NOX4: variants seen among roughly 807,000 people sequenced by gnomAD.
The protein encoded by NOX4 is kidney oxidase-1.
In NOX4, 69 loss-of-function variants were observed where a neutral mutation model predicts 87.6. That is an observed-to-expected ratio of 0.79 (90% CI 0.65 to 0.96). The LOEUF (loss-of-function observed/expected upper bound fraction) is 0.96. Ranked by LOEUF, NOX4 falls within the 40% of genes least tolerant of loss-of-function variation. The pLI, the probability that NOX4 is intolerant of heterozygous loss-of-function variation, is 0.00. For missense variants in NOX4, 680 were observed against 681.5 expected (o/e 1.00, Z 0.02); for synonymous variants, 275 against 238.2 (o/e 1.15, Z -1.42).
chr11:89,394,587 TG>T (rs1941347715), intron 11 of NOX4, among the ~76,000 whole-genome samples: 1 of 152,168 alleles, frequency 6.6e-6, no homozygotes, highest in Non-Finnish European at 1.5e-5. Context: ...TGTGCCACGT[TG>T]GTTTGCTGCA....
At chr11:89,449,830 C>T (rs1215201988) in intron 3 of NOX4, among the ~76,000 whole-genome samples, 5 of 151,674 alleles carry the variant, frequency 3.3e-5, no homozygotes, top group East Asian at 2.0e-4. Context: ...TAGATGTTAA[C>T]GTATCTGCAG....
chr11:89,424,051 TGAGA>T (rs1349791529), intron 7 of NOX4, among the ~76,000 whole-genome samples: 2 of 151,974 alleles, frequency 1.3e-5, no homozygotes, highest in South Asian at 2.1e-4. Context: ...CCAGCCTGGA[TGAGA>T]GAGAAAGACC....
At chr11:89,441,177 G>C (rs1219711995) in intron 5 of NOX4, among the ~76,000 whole-genome samples, 1 of 152,170 alleles carries the variant, frequency 6.6e-6, no homozygotes. Flanking sequence ...TCAGTACGAA[G>C]AAGACTAATT....
intron 4 of NOX4, among the ~76,000 whole-genome samples, chr11:89,446,322 C>T (rs1363643301): frequency 2.0e-5 from 3 of 152,050 alleles, no homozygotes; most frequent in African/African-American, 7.2e-5. Flanking sequence ...TTAAAAACTA[C>T]ACATACTCTT....
At chr11:89,398,870 G>A (rs1941655234) in intron 11 of NOX4, among the ~76,000 whole-genome samples, 1 of 151,760 alleles carries the variant, frequency 6.6e-6, no homozygotes. Context: ...CATGAATGAG[G>A]CACATACAGT....
At chr11:89,510,075 T>G in the NOX4 span, among the ~76,000 whole-genome samples, 1 of 152,012 alleles carries the variant, frequency 6.6e-6, no homozygotes, top group Non-Finnish European at 1.5e-5. Context: ...AAGTTAGATA[T>G]TGGTTGTATT....
the NOX4 span, among the ~76,000 whole-genome samples, chr11:89,552,357 T>C: frequency 6.6e-6 from 1 of 152,210 alleles, no homozygotes. Flanking sequence ...ATTGATCATT[T>C]ACGTCTCATT....
the NOX4 span, among the ~76,000 whole-genome samples, chr11:89,528,764 G>A: frequency 2.0e-5 from 3 of 152,210 alleles, no homozygotes; most frequent in African/African-American, 7.2e-5. Context: ...ACTCAGTCTT[G>A]AGCAGTTCTT....
At chr11:89,465,799 T>C (rs1256111299) in intron 2 of NOX4, among the ~76,000 whole-genome samples, 4 of 151,834 alleles carry the variant, frequency 2.6e-5, no homozygotes, top group African/African-American at 9.7e-5. Flanking sequence ...TGTCTGTTCA[T>C]ATCCTTTGCT....
At position 89,352,474 on chromosome 11, in the gene NOX4, T is replaced by A. The variant is rs1946502422; in HGVS notation, c.1217+2488A>T. Among the ~76,000 whole-genome samples, 3 of 152,308 alleles carry A rather than the reference T, an allele frequency of 2.0e-5. No homozygotes were observed. In the South Asian group the frequency reaches 6.2e-4, roughly 32 times the overall value. On this transcript the variant is annotated intron_variant, in intron 13 of 17. Transcript: ENST00000263317. The stretch of plus-strand genomic sequence containing the variant: ...TATAGCTACCATAGACAGTGATGCT[T>A]CTGGTAGATCTGGGCAATGTAAATT...
chr11:89,481,744 T>A (rs1946398831), intron 2 of NOX4, among the ~76,000 whole-genome samples: 1 of 151,922 alleles, frequency 6.6e-6, no homozygotes, highest in Non-Finnish European at 1.5e-5. Context: ...TTGCACTGAG[T>A]CCATAAAGAA....
At chr11:89,460,445 G>T (rs1159297370) in intron 2 of NOX4, among the ~76,000 whole-genome samples, 1 of 152,054 alleles carries the variant, frequency 6.6e-6, no homozygotes, top group African/African-American at 2.4e-5. Flanking sequence ...AATCTACGAT[G>T]AACTCAAACA....
At chr11:89,472,613 T>C (rs968838884) in intron 2 of NOX4, among the ~76,000 whole-genome samples, 3 of 152,144 alleles carry the variant, frequency 2.0e-5, no homozygotes, top group African/African-American at 4.8e-5. Context: ...AGAAAAGCTA[T>C]TAAAAGTCAG....
intron 12 of NOX4, among the ~76,000 whole-genome samples, chr11:89,357,901 T>A (rs1938192142): frequency 6.6e-6 from 1 of 151,822 alleles, no homozygotes; most frequent in Non-Finnish European, 1.5e-5. Flanking sequence ...TAAAAACACA[T>A]ACACAGATGC....
the NOX4 span, among the ~76,000 whole-genome samples, chr11:89,549,863 G>A: frequency 6.6e-6 from 1 of 152,196 alleles, no homozygotes. Flanking sequence ...ATTCCATGGT[G>A]TATATGTGCC....
At chr11:89,572,378 G>C in the NOX4 span, among the ~76,000 whole-genome samples, 1 of 151,992 alleles carries the variant, frequency 6.6e-6, no homozygotes, top group African/African-American at 2.4e-5. Flanking sequence ...TCGACCTCTA[G>C]CTCAACTAAA....
chr11:89,476,250 C>T (rs957948397), intron 2 of NOX4, among the ~76,000 whole-genome samples: 3 of 152,014 alleles, frequency 2.0e-5, no homozygotes, highest in Non-Finnish European at 4.4e-5. Context: ...TTGCCTAGTA[C>T]TCCCAAGCTT....
chr11:89,534,335 A>G, the NOX4 span, among the ~76,000 whole-genome samples: 1 of 152,098 alleles, frequency 6.6e-6, no homozygotes, highest in African/African-American at 2.4e-5. Context: ...CCAAGGATAA[A>G]CCCTGAATAT....
At chr11:89,347,288 T>C (rs1946256990) in intron 13 of NOX4, among the ~76,000 whole-genome samples, 1 of 152,114 alleles carries the variant, frequency 6.6e-6, no homozygotes, top group Admixed American at 6.6e-5. Context: ...AATGTATCTC[T>C]TCTGACAGGA....
Sources: allele counts gnomAD v4.1 joint callset (sites outside exome capture counted in the v4.1 genomes callset), GRCh38; gene constraint gnomAD v4.1.1; transcripts MANE v1.5; gene names NCBI Gene and HGNC (gene_info 2026-07-23, HGNC 2026-07-21).